Variants in LMF1 observed in about 807,000 individuals in gnomAD.
LMF1 encodes the protein lipase maturation factor 1.
Under a neutral mutation model 60.6 loss-of-function variants are expected in LMF1, and 68 were observed. The observed-to-expected ratio is 1.12, with a 90% confidence interval of 0.92 to 1.37. The LOEUF (loss-of-function observed/expected upper bound fraction) is 1.37, where lower values mean the gene tolerates loss of function less well. LMF1 is among the 40% of genes most tolerant of loss of function. The probability of loss-of-function intolerance (pLI) is 0.00; values close to 1 mark genes in which losing one functional copy is unlikely to be tolerated. For missense variants in LMF1, 948 were observed against 767.2 expected (o/e 1.24, Z -2.78); for synonymous variants, 418 against 324.7 (o/e 1.29, Z -3.09).
rs1237574843 is a variant in LMF1, at chr16:871,154, C to T, written c.1078+7G>A. 1 of 1,575,186 alleles carries T rather than the reference C, an allele frequency of 6.3e-7. No individual in the cohort carries two copies. The highest frequency in any genetic ancestry group is 1.2e-5 in the South Asian group (1 of 85,896). Reference sequence around the variant, plus strand: ...CTTGGGCAGGGGCCCCCAGCTGAGCCACCTACCGAATCTGGGCTCGGGCCG... The same window carrying T: ...CTTGGGCAGGGGCCCCCAGCTGAGCTACCTACCGAATCTGGGCTCGGGCCG... On this transcript the variant is annotated splice_region_variant and intron_variant, in intron 7 of 10. Transcript: ENST00000262301.
Position 882,319 on chromosome 16 carries a change from G to A in LMF1, c.730-2582C>T, listed in dbSNP as rs1045151557. On this transcript the variant is annotated intron_variant, in intron 5 of 10. Coordinates refer to ENST00000262301, the MANE Select transcript of LMF1 (RefSeq NM_022773.4). Reference sequence around the variant, plus strand: ...GCTCGCCTCCCCTGGAATCCCAGCCGACCTTGGGACTCAGCTTTGGCCAAG... The same window carrying A: ...GCTCGCCTCCCCTGGAATCCCAGCCAACCTTGGGACTCAGCTTTGGCCAAG... Among the ~76,000 whole-genome samples, 20 of 152,218 alleles carry A rather than the reference G, an allele frequency of 1.3e-4. 1 individual carries two copies. The highest frequency in any genetic ancestry group is 4.8e-4 in the African/African-American group (20 of 41,458).
chr16:866,018 C>T (rs2069599900), intron 10 of LMF1, among the ~76,000 whole-genome samples: 1 of 152,130 alleles, frequency 6.6e-6, no homozygotes, highest in Non-Finnish European at 1.5e-5. Context: ...TATTTTTTAT[C>T]AGTTGTGTTC....
At chr16:937,935 C>T (rs9746456) in intron 2 of LMF1, among the ~76,000 whole-genome samples, 69,628 of 150,406 alleles carry the variant, frequency 0.46, 17,453 homozygotes, top group African/African-American at 0.65. Context: ...TCCTGAACCA[C>T]GCCCAGGTTC....
intron 1 of LMF1, among the ~76,000 whole-genome samples, chr16:955,023 G>A (rs1253891387): frequency 6.6e-6 from 1 of 151,824 alleles, no homozygotes; most frequent in Non-Finnish European, 1.5e-5. Context: ...AGCAGATGCG[G>A]TGTGTGCATA....
intron 1 of LMF1, 147 bp from the exon 2 acceptor site, chr16:954,813 G>T: frequency 1.4e-6 from 1 of 714,386 alleles, no homozygotes; most frequent in South Asian, 2.0e-5. Flanking sequence ...AGACTCAGGA[G>T]TCTGAGTACT....
At chr16:926,516 G>A (rs1197385732) in intron 3 of LMF1, among the ~76,000 whole-genome samples, 2 of 152,276 alleles carry the variant, frequency 1.3e-5, no homozygotes, top group African/African-American at 2.4e-5. Context: ...GTCTGTGTTT[G>A]GGTACAAATC....
At chr16:895,637 G>A (rs895118918) in intron 4 of LMF1, among the ~76,000 whole-genome samples, 6 of 152,176 alleles carry the variant, frequency 3.9e-5, no homozygotes, top group Non-Finnish European at 8.8e-5. Flanking sequence ...GGGAGTGGGA[G>A]AGCCAGGAGA....
intron 3 of LMF1, among the ~76,000 whole-genome samples, chr16:929,098 G>A (rs942961292): frequency 1.3e-5 from 2 of 152,214 alleles, no homozygotes; most frequent in Admixed American, 6.5e-5. Context: ...ACATCTCAGC[G>A]GCCAGTGGGG....
Position 853,764 on chromosome 16 carries a change from C to T in LMF1, c.*768G>A, listed in dbSNP as rs1189773914. On this transcript the variant is annotated 3_prime_UTR_variant, in exon 11 of 11. Transcript: ENST00000262301. Reference sequence around the variant, plus strand: ...CCGACGATGATGAAAGTGTGCACGGCCGGCTGTCCTCCGATTGAGGGGCCT... The same window carrying T: ...CCGACGATGATGAAAGTGTGCACGGTCGGCTGTCCTCCGATTGAGGGGCCT... The T allele has an allele frequency of 2.2e-6, 1 of 454,132 alleles. No individual in the cohort carries two copies. Among genetic ancestry groups the T allele is most frequent in the East Asian group, 6.9e-5 (1 of 14,394 alleles). The allele number at this position is 454,132 out of a possible 1,614,324, so 28.1% of individuals were successfully genotyped here.
Position 962,682 on chromosome 16 carries a change from ATCCTG to A in LMF1, c.194-8021_194-8017del, listed in dbSNP as rs2072836728. On this transcript the variant is annotated intron_variant, in intron 1 of 10. Transcript: ENST00000262301. The surrounding 1 kb of genome is among the most constrained non-coding windows in gnomAD (Gnocchi z 4.5). Reference sequence around the variant, plus strand: ...CCTGCTTGACACTGTCAAGGTCGGAATCCTGCACAGGAAAGTCTGGGAGACTCACA... The same window carrying A: ...CCTGCTTGACACTGTCAAGGTCGGAACACAGGAAAGTCTGGGAGACTCACA... 6.6e-6 allele frequency among the ~76,000 whole-genome samples: 1 copy of A among 152,206 alleles called. No individual in the cohort carries two copies. Among genetic ancestry groups the A allele is most frequent in the Non-Finnish European group, 1.5e-5 (1 of 68,036 alleles).
At chr16:883,316 G>A (rs1596898326) in intron 5 of LMF1, among the ~76,000 whole-genome samples, 3 of 152,062 alleles carry the variant, frequency 2.0e-5, no homozygotes, top group Non-Finnish European at 4.4e-5. Context: ...ACAGGACCAG[G>A]AGAAAGAGAA....
intron 1 of LMF1, among the ~76,000 whole-genome samples, chr16:960,445 A>T (rs1426965443): frequency 1.5e-4 from 14 of 92,470 alleles, no homozygotes; most frequent in African/African-American, 4.7e-4. Flanking sequence ...CCAGACACAG[A>T]CTCACGGTGA....
rs2151711924 is a variant in LMF1 at position 878,297 on chromosome 16, T to C, written c.897+1273A>G. On this transcript the variant is annotated intron_variant, in intron 6 of 10. Transcript: ENST00000262301. This position sits in a 1 kb window ranked among gnomAD's most constrained non-coding sequence, Gnocchi z 5.2. Reference sequence around the variant, plus strand: ...GGCGACATCGATGCCCACAGGGAAATCACCTGATGGGCACCGGTGCCAGCC... The same window carrying C: ...GGCGACATCGATGCCCACAGGGAAACCACCTGATGGGCACCGGTGCCAGCC... Among the ~76,000 whole-genome samples, 1 of 152,042 alleles carries C rather than the reference T, an allele frequency of 6.6e-6. No homozygotes were observed. Among genetic ancestry groups the C allele is most frequent in the East Asian group, 1.9e-4 (1 of 5,142 alleles).
intron 9 of LMF1, chr16:869,387 C>T (rs1443033205): frequency 3.4e-6 from 2 of 589,170 alleles, no homozygotes; most frequent in East Asian, 3.8e-5. Flanking sequence ...ACAGAAACAG[C>T]AGCTCTGTCC....
chr16:870,877 C>T lies in LMF1; in HGVS notation c.1084G>A (p.Val362Met), dbSNP rs781604757. The part of the protein sequence containing the change: ...GARPEPRFGS[V>M]VRRAANVSLG... ...GAGACGTTGGCTGCACGCCGCACCA[C>T]GGAGCCTGGCAGGGGAGTGACATCT... The change falls in exon 8 of 11, where the codon GTG becomes ATG. Residue 362 changes from valine to methionine, a missense_variant. Transcript: ENST00000262301. 1.6e-5 allele frequency: 26 copies of T among 1,606,120 alleles called. No homozygotes were observed. The highest frequency in any genetic ancestry group is 5.0e-5 in the Admixed American group (3 of 59,632).
chr16:861,759 C>A (rs1394441079), intron 10 of LMF1, among the ~76,000 whole-genome samples: 1 of 152,180 alleles, frequency 6.6e-6, no homozygotes, highest in Non-Finnish European at 1.5e-5. Context: ...CCTTTGTGAT[C>A]GACACGCCTT....
At chr16:905,938 T>C (rs1300783713) in intron 4 of LMF1, among the ~76,000 whole-genome samples, 1 of 152,230 alleles carries the variant, frequency 6.6e-6, no homozygotes, top group Non-Finnish European at 1.5e-5. Context: ...AATTTTTTTG[T>C]GTGTCCTAAG....
intron 10 of LMF1, among the ~76,000 whole-genome samples, 156 bp downstream of exon 10, chr16:868,788 G>GGGC (rs869161964): frequency 8.1e-5 from 11 of 136,330 alleles, no homozygotes; most frequent in African/African-American, 3.0e-4. Flanking sequence ...GGGGGGGGGG[G>GGGC]CCCTTTTTGC....
At chr16:965,784 G>A (rs2072911366) in intron 1 of LMF1, among the ~76,000 whole-genome samples, 1 of 152,180 alleles carries the variant, frequency 6.6e-6, no homozygotes, top group African/African-American at 2.4e-5. Flanking sequence ...GCTGGAGGTG[G>A]GTAGAGGGGA....
Sources: allele counts gnomAD v4.1 joint callset (sites outside exome capture counted in the v4.1 genomes callset), GRCh38; gene constraint gnomAD v4.1.1; non-coding constraint Gnocchi (gnomAD v3.1); transcripts MANE v1.5; gene names NCBI Gene and HGNC (gene_info 2026-07-23, HGNC 2026-07-21).